Variants in ALG12 observed in about 807,000 individuals in gnomAD.
The protein encoded by ALG12 is dol-P-Man:Man(7)GlcNAc(2)-PP-Dol alpha-1,6-mannosyltransferase.
A neutral mutation model predicts 46.0 loss-of-function variants in ALG12; 36 were observed. The observed-to-expected ratio is 0.78, with a 90% confidence interval of 0.60 to 1.03. The LOEUF is 1.03. Ranked by LOEUF, ALG12 falls within the 50% of genes least tolerant of loss-of-function variation. The probability of loss-of-function intolerance (pLI) is 0.00; values close to 1 mark genes in which losing one functional copy is unlikely to be tolerated. For missense variants in ALG12, 599 were observed against 633.5 expected (o/e 0.95, Z 0.58); for synonymous variants, 326 against 291.6 (o/e 1.12, Z -1.20).
the ALG12 span, among the ~76,000 whole-genome samples, chr22:49,861,252 G>A: frequency 6.9e-6 from 1 of 144,374 alleles, no homozygotes; most frequent in African/African-American, 2.6e-5. Flanking sequence ...AGTGATTCTT[G>A]TGCCTCAGCC....
the ALG12 span, among the ~76,000 whole-genome samples, chr22:49,881,207 G>A: frequency 6.6e-6 from 1 of 152,164 alleles, no homozygotes; most frequent in Non-Finnish European, 1.5e-5. Context: ...GAATTAGCCG[G>A]GTGTCATGGC....
chr22:49,913,017 G>C (rs886531788), intron 3 of ALG12, among the ~76,000 whole-genome samples: 1 of 152,208 alleles, frequency 6.6e-6, no homozygotes, highest in Non-Finnish European at 1.5e-5. Context: ...GTTTCTGTTT[G>C]TAACATTCCC....
chr22:49,869,348 G>A, the ALG12 span, among the ~76,000 whole-genome samples: 8 of 152,178 alleles, frequency 5.3e-5, no homozygotes, highest in Middle Eastern at 3.2e-3. Context: ...CCTCGTACCC[G>A]CGTGGTGGTT....
At chr22:49,865,611 G>C in the ALG12 span, among the ~76,000 whole-genome samples, 1 of 152,062 alleles carries the variant, frequency 6.6e-6, no homozygotes, top group East Asian at 1.9e-4. Context: ...GGAGGCAGAG[G>C]GTGCAGTGAG....
At chr22:49,899,244 A>G (rs1053158252), downstream of ALG12, among the ~76,000 whole-genome samples, 4 of 152,178 alleles carry the variant, frequency 2.6e-5, no homozygotes, top group South Asian at 8.3e-4. Context: ...TGGGAGGCCG[A>G]GGCGAGTGGA....
intron 3 of ALG12, among the ~76,000 whole-genome samples, chr22:49,912,844 G>A (rs914932601): frequency 6.6e-6 from 1 of 151,902 alleles, no homozygotes; most frequent in Non-Finnish European, 1.5e-5. Flanking sequence ...TTCAGCCTAG[G>A]TGACACAGCA....
the ALG12 span, chr22:49,883,411 C>T: frequency 2.6e-6 from 1 of 388,556 alleles, no homozygotes; most frequent in Non-Finnish European, 4.5e-6. Context: ...CACGTCTCTG[C>T]TGCACACATT....
rs975688247 is a variant in ALG12 at position 49,906,587 on chromosome 22, G to A, written c.992+1134C>T. ...CCCCTGTAACAAGTGGCACCGGAAA[G>A]CACCTGACCGCTGCCTGAGATCAGG... On this transcript the variant is annotated intron_variant, in intron 7 of 9. Transcript: ENST00000330817. The surrounding 1 kb of genome is among the most constrained non-coding windows in gnomAD (Gnocchi z 4.4). Among the ~76,000 whole-genome samples the A allele has an allele frequency of 6.6e-6, 1 of 152,168 alleles. No individual in the cohort carries two copies. The highest frequency in any genetic ancestry group is 2.4e-5 in the African/African-American group (1 of 41,434).
At chr22:49,863,726 G>A in the ALG12 span, among the ~76,000 whole-genome samples, 1 of 152,010 alleles carries the variant, frequency 6.6e-6, no homozygotes, top group South Asian at 2.1e-4. Flanking sequence ...ACTCTCTGGT[G>A]TTATAGTTCA....
At chr22:49,879,506 C>T in the ALG12 span, among the ~76,000 whole-genome samples, 5 of 151,796 alleles carry the variant, frequency 3.3e-5, no homozygotes, top group South Asian at 1.0e-3. Context: ...CTTACAATAG[C>T]TGTTTTCATG....
At chr22:49,871,393 G>A in the ALG12 span, among the ~76,000 whole-genome samples, 3 of 152,048 alleles carry the variant, frequency 2.0e-5, no homozygotes, top group African/African-American at 7.2e-5. Context: ...GGCTGAGGCA[G>A]GAGAAAGCTT....
chr22:49,908,069 T>G (rs1022324094), intron 6 of ALG12, 125 bp from the exon 7 acceptor site: 4 of 955,506 alleles, frequency 4.2e-6, no homozygotes, highest in Non-Finnish European at 6.3e-6. Flanking sequence ...GGACCACGGC[T>G]CGTGTGCACA....
At position 49,916,156 on chromosome 22, in the gene ALG12, G is replaced by A. The variant is rs61465012; in HGVS notation, c.-79+2107C>T. ...TAGTCCCAGCTACTTGGGAGGCTGA[G>A]GCAGGAGAATGGTGTGAACCCAGGA... On this transcript the variant is annotated intron_variant, in intron 1 of 9. Transcript: ENST00000330817. Among the ~76,000 whole-genome samples the A allele has an allele frequency of 4.3e-3, 656 of 152,298 alleles. 8 individuals are homozygous for A. Among genetic ancestry groups the A allele is most frequent in the African/African-American group, 0.015 (632 of 41,550 alleles).
intron 3 of ALG12, among the ~76,000 whole-genome samples, chr22:49,912,448 G>A (rs931088888): frequency 2.6e-5 from 4 of 152,104 alleles, no homozygotes; most frequent in Non-Finnish European, 2.9e-5. Flanking sequence ...TCCCTGGCTC[G>A]TGGCCCCCCA....
the ALG12 span, among the ~76,000 whole-genome samples, chr22:49,861,839 G>A: frequency 1.3e-5 from 2 of 152,304 alleles, no homozygotes; most frequent in South Asian, 4.1e-4. Flanking sequence ...TGACGTTGCC[G>A]TGTGTTGCAT....
At chr22:49,860,298 CA>C in the ALG12 span, among the ~76,000 whole-genome samples, 1 of 152,118 alleles carries the variant, frequency 6.6e-6, no homozygotes, top group Admixed American at 6.5e-5. Flanking sequence ...GACCCTGTAT[CA>C]AAAACAAAAC....
At chr22:49,912,058 C>T (rs1438086863) in intron 3 of ALG12, among the ~76,000 whole-genome samples, 9 of 118,964 alleles carry the variant, frequency 7.6e-5, no homozygotes, top group East Asian at 6.5e-4. Flanking sequence ...GCCTCGGCCG[C>T]GGGATCAGCC....
chr22:49,908,311 C>T (rs567387632), intron 6 of ALG12, among the ~76,000 whole-genome samples: 1 of 129,108 alleles, frequency 7.7e-6, no homozygotes, highest in East Asian at 2.1e-4. Context: ...GGGTAGATCA[C>T]GAGGTAAAGA....
At position 49,901,457 on chromosome 22, in the gene ALG12, ATG is replaced by A. The variant is rs150969182; in HGVS notation, c.*2379_*2380del. ...CATGTCTTTATGCACACGTGTGTGC[ATG>A]TGTGGTATGTATGCATGGTGTGTGC... On this transcript the variant is annotated 3_prime_UTR_variant, in exon 10 of 10. Transcript: ENST00000330817. 0.1 allele frequency: 15,398 copies of A among 152,326 alleles called. 1,002 individuals are homozygous for A. The highest frequency in any genetic ancestry group is 0.18 in the South Asian group (861 of 4,832). 9.4% of individuals were successfully genotyped at this position (152,326 alleles called of 1,614,324 possible).
Sources: allele counts gnomAD v4.1 joint callset (sites outside exome capture counted in the v4.1 genomes callset), GRCh38; gene constraint gnomAD v4.1.1; non-coding constraint Gnocchi (gnomAD v3.1); transcripts MANE v1.5; gene names NCBI Gene and HGNC (gene_info 2026-07-23, HGNC 2026-07-21).